Variants in ZSCAN5A observed in about 807,000 individuals in gnomAD.
ZSCAN5A encodes zinc finger and SCAN domain containing 5A, also known as zinc finger and SCAN domain-containing protein 5A.
Under a neutral mutation model 23.7 loss-of-function variants are expected in ZSCAN5A, and 12 were observed. The observed-to-expected ratio is 0.51, with a 90% confidence interval of 0.32 to 0.82. The LOEUF (loss-of-function observed/expected upper bound fraction) is 0.82, where lower values mean the gene tolerates loss of function less well. Among genes scored for constraint, ZSCAN5A ranks in the 40% least tolerant of loss-of-function variants. The pLI, the probability that ZSCAN5A is intolerant of heterozygous loss-of-function variation, is 0.03. For synonymous variants in ZSCAN5A, 257 were observed against 239.9 expected (o/e 1.07, Z -0.66); for missense variants, 597 against 617.9 (o/e 0.97, Z 0.36).
At chr19:56,353,759 G>A (rs1158244792) in intron 2 of ZSCAN5A, among the ~76,000 whole-genome samples, 3 of 151,952 alleles carry the variant, frequency 2.0e-5, no homozygotes, top group South Asian at 2.1e-4. Context: ...TCCAGCCTGG[G>A]TGACAGAGCG....
intron 2 of ZSCAN5A, chr19:56,272,795 T>A (rs1326213865): frequency 1.2e-6 from 1 of 864,336 alleles, no homozygotes; most frequent in Non-Finnish European, 1.4e-6. Flanking sequence ...GTCCTGTCTA[T>A]CCTAGGAGGA....
intron 2 of ZSCAN5A, among the ~76,000 whole-genome samples, chr19:56,299,401 G>A (rs950684230): frequency 3.3e-5 from 5 of 151,354 alleles, no homozygotes; most frequent in Admixed American, 2.6e-4. Flanking sequence ...CCAAAGTGCT[G>A]GAATTACAGA....
intron 2 of ZSCAN5A, among the ~76,000 whole-genome samples, chr19:56,285,642 T>C (rs964754042): frequency 2.0e-5 from 3 of 152,108 alleles, no homozygotes; most frequent in African/African-American, 7.2e-5. Flanking sequence ...TAAATTATTA[T>C]TATTATTTTT....
chr19:56,331,433 G>A (rs2041487288), intron 2 of ZSCAN5A, among the ~76,000 whole-genome samples: 1 of 151,432 alleles, frequency 6.6e-6, no homozygotes, highest in South Asian at 2.1e-4. Flanking sequence ...TAATGAACAT[G>A]GAATGCTTTT....
chr19:56,322,062 G>A (rs769555299), intron 2 of ZSCAN5A: 41 of 770,066 alleles, frequency 5.3e-5, no homozygotes, highest in Non-Finnish European at 9.2e-5. Context: ...CTAGTGCACA[G>A]CCACTTCCTC....
At chr19:56,230,665 T>G (rs2034390295) in intron 2 of ZSCAN5A, among the ~76,000 whole-genome samples, 1 of 146,668 alleles carries the variant, frequency 6.8e-6, no homozygotes, top group African/African-American at 2.5e-5. Context: ...GTTGGAAACA[T>G]TTAAGATACA....
intron 2 of ZSCAN5A, among the ~76,000 whole-genome samples, chr19:56,311,609 G>T (rs1016924422): frequency 6.6e-6 from 1 of 152,106 alleles, no homozygotes; most frequent in Admixed American, 6.5e-5. Flanking sequence ...ATTTTAAAGT[G>T]GAGTTTAAGA....
rs770929966 is a variant in ZSCAN5A at position 56,222,050 on chromosome 19, G to A, written c.1016C>T (p.Ala339Val). 1.1e-5 allele frequency: 17 copies of A among 1,614,060 alleles called. No homozygotes were observed. The highest frequency in any genetic ancestry group is 6.7e-5 in the East Asian group (3 of 44,890). ...GCCATCCGGGTGACTGACTGGGCTCGCAGGGCCTGGGGAATGAATTGAATT... is the reference window on the plus strand; with the variant it reads ...GCCATCCGGGTGACTGACTGGGCTCACAGGGCCTGGGGAATGAATTGAATT... Reference protein sequence around the residue: ...GMNSIHSPGPASPVSHPDGQE... With the variant: ...GMNSIHSPGPVSPVSHPDGQE... The change falls in exon 6 of 6, where the codon GCG (alanine) becomes GTG (valine). Residue 339 changes from alanine (A) to valine (V), a missense_variant. By Grantham distance (64) the Ala-to-Val change is moderately conservative. Coordinates refer to ENST00000683990, the MANE Select transcript of ZSCAN5A (RefSeq NM_001322064.3).
At chr19:56,319,909 T>A in intron 2 of ZSCAN5A, 1 of 1,109,944 alleles carries the variant, frequency 9.0e-7, no homozygotes, top group Non-Finnish European at 1.4e-6. Context: ...GCTGCAAAAA[T>A]TCATTGAGTT....
At position 56,242,703 on chromosome 19, in the gene ZSCAN5A, C is replaced by T. The variant is rs530943479; in HGVS notation, c.-127-17530G>A. On this transcript the variant is annotated intron_variant, in intron 2 of 5. Coordinates refer to ENST00000683990, the MANE Select transcript of ZSCAN5A (RefSeq NM_001322064.3). ...TGTTGAACTTGGATAATAACTGATG[C>T]CTGGAGAGTATCACACAGTGTGTCC... Among the ~76,000 whole-genome samples, 18 of 152,332 alleles carry T rather than the reference C, an allele frequency of 1.2e-4. No individual in the cohort carries two copies. The East Asian group carries it at 2.7e-3, about 23-fold the overall frequency.
At chr19:56,282,528 T>C in intron 2 of ZSCAN5A, 1 of 985,194 alleles carries the variant, frequency 1.0e-6, no homozygotes, top group Non-Finnish European at 1.2e-6. Flanking sequence ...CTCTTTCCCT[T>C]TGGGGTCTGT....
At chr19:56,314,420 C>T (rs2041237769) in intron 1 of ZSCAN5A, 1 of 152,212 alleles carries the variant, frequency 6.6e-6, no homozygotes, top group African/African-American at 2.4e-5. Context: ...TGCGCACTTA[C>T]TAGAAAGCAC....
chr19:56,344,293 G>A (rs901213827), intron 2 of ZSCAN5A, among the ~76,000 whole-genome samples: 6 of 152,190 alleles, frequency 3.9e-5, no homozygotes, highest in African/African-American at 9.7e-5. Flanking sequence ...TAGAAGTTAC[G>A]GTAATGTTAC....
At chr19:56,368,238 C>G (rs950673461) in exon 1 of ZSCAN5A, 2 of 152,366 alleles carry the variant, frequency 1.3e-5, no homozygotes, top group African/African-American at 4.8e-5. Context: ...GTCTCTTAGC[C>G]ATGTACGCCT....
chr19:56,281,785 T>C, intron 2 of ZSCAN5A: 5 of 792,302 alleles, frequency 6.3e-6, no homozygotes, highest in African/African-American at 1.9e-5. Context: ...GAGGCAAAAC[T>C]GCTGACGATC....
At chr19:56,338,632 T>A (rs1356224841) in intron 2 of ZSCAN5A, 1 of 152,164 alleles carries the variant, frequency 6.6e-6, no homozygotes, top group Admixed American at 6.5e-5. Flanking sequence ...AGAGCCCCCA[T>A]TACACTGGAT....
At chr19:56,257,661 C>T (rs181370248) in intron 2 of ZSCAN5A, among the ~76,000 whole-genome samples, 277 of 147,758 alleles carry the variant, frequency 1.9e-3, no homozygotes, top group African/African-American at 6.6e-3. Context: ...CACCTGGCTC[C>T]TGCCTCCCAC....
At chr19:56,287,858 T>A (rs1288649852) in intron 2 of ZSCAN5A, among the ~76,000 whole-genome samples, 2 of 152,156 alleles carry the variant, frequency 1.3e-5, no homozygotes, top group Non-Finnish European at 2.9e-5. Context: ...ATTCTTTTAA[T>A]CCTTATAAGC....
intron 2 of ZSCAN5A, chr19:56,266,607 G>A (rs564111574): frequency 2.7e-5 from 4 of 149,718 alleles, no homozygotes; most frequent in African/African-American, 9.9e-5. Context: ...AGCCTCCCGA[G>A]TAGCTAGGAC....
Sources: gnomAD v4.1 joint callset for allele counts (sites outside exome capture counted in the v4.1 genomes callset) on GRCh38, gnomAD v4.1.1 for gene constraint, MANE v1.5 for transcripts, NCBI Gene and HGNC (gene_info 2026-07-23, HGNC 2026-07-21) for gene names.